Variants in SMARCAL1 observed in about 807,000 individuals in gnomAD.
SMARCAL1 encodes the protein ATP-driven annealing helicase.
A neutral mutation model predicts 94.5 loss-of-function variants in SMARCAL1; 58 were observed. The observed-to-expected ratio is 0.61, with a 90% CI of 0.50 to 0.76. The LOEUF (loss-of-function observed/expected upper bound fraction) is 0.76, where lower values mean the gene tolerates loss of function less well. SMARCAL1 is among the 30% of genes least tolerant of loss of function. SMARCAL1 has a pLI of 0.00. For missense variants in SMARCAL1, 1,051 were observed against 1,177.9 expected (o/e 0.89, Z 1.58); for synonymous variants, 422 against 455.1 (o/e 0.93, Z 0.93).
chr2:216,423,510 A>G, intron 5 of SMARCAL1, 123 bp from the exon 6 acceptor site: 3 of 816,726 alleles, frequency 3.7e-6, no homozygotes, highest in Non-Finnish European at 6.4e-6. Flanking sequence ...TAGGTACAGG[A>G]CCAGCTGCCA....
At position 216,415,699 on chromosome 2, in the gene SMARCAL1, A is replaced by G. The variant is rs1693584006; in HGVS notation, c.811+184A>G. Among the ~76,000 whole-genome samples the G allele has an allele frequency of 2.0e-5, 3 of 152,182 alleles. No homozygotes were observed. The South Asian group carries it at 6.2e-4, about 31-fold the overall frequency. On this transcript the variant is annotated intron_variant, in intron 3 of 17. Transcript: ENST00000357276. ...TAGTCATTCCCTTAAACAGCTGCCA[A>G]ACTTGATGGTTGTCACGTGGCCATC...
intron 8 of SMARCAL1, 109 bp downstream of exon 8, chr2:216,432,977 CAAGTA>C: frequency 7.3e-7 from 1 of 1,378,954 alleles, no homozygotes; most frequent in Non-Finnish European, 1.0e-6. Flanking sequence ...GATCCTGTCT[CAAGTA>C]AAGGCAAAGG....
intron 6 of SMARCAL1, among the ~76,000 whole-genome samples, chr2:216,425,009 C>T (rs1369673224): frequency 2.0e-5 from 3 of 152,178 alleles, no homozygotes; most frequent in African/African-American, 7.2e-5. Context: ...ACCTCTGCCT[C>T]CCAGGCTCAA....
At chr2:216,439,255 T>A (rs933414217) in intron 10 of SMARCAL1, among the ~76,000 whole-genome samples, 3 of 152,130 alleles carry the variant, frequency 2.0e-5, no homozygotes, top group African/African-American at 7.2e-5. Context: ...CATCTGTCTC[T>A]CTCTTCTGTG....
chr2:216,441,524 A>G (rs60111146), intron 10 of SMARCAL1, among the ~76,000 whole-genome samples: 9,671 of 152,288 alleles, frequency 0.064, 577 homozygotes, highest in African/African-American at 0.16. Context: ...ATCATTTTTC[A>G]ATAACTATGG....
chr2:216,421,268 A>C (rs529729309), intron 5 of SMARCAL1, among the ~76,000 whole-genome samples: 1 of 152,048 alleles, frequency 6.6e-6, no homozygotes, highest in South Asian at 2.1e-4. Context: ...CTTGAAATCT[A>C]CTGGCCACAA....
chr2:216,427,349 G>A (rs879533000), intron 6 of SMARCAL1: 1 of 152,168 alleles, frequency 6.6e-6, no homozygotes, highest in Non-Finnish European at 1.5e-5. Context: ...AGTAGATGTT[G>A]GTTTTATTCC....
chr2:216,416,953 G>T (rs945911438), intron 4 of SMARCAL1, among the ~76,000 whole-genome samples: 1 of 152,224 alleles, frequency 6.6e-6, no homozygotes, highest in African/African-American at 2.4e-5. Context: ...TAAAGTTTTT[G>T]TCACTTGATC....
At chr2:216,437,532 A>G (rs1694104830) in intron 9 of SMARCAL1, among the ~76,000 whole-genome samples, 1 of 152,194 alleles carries the variant, frequency 6.6e-6, no homozygotes, top group Non-Finnish European at 1.5e-5. Flanking sequence ...AGGACTTCAC[A>G]TGTGTTAGCT....
intron 12 of SMARCAL1, among the ~76,000 whole-genome samples, chr2:216,461,268 C>T (rs940723548): frequency 6.6e-6 from 1 of 151,222 alleles, no homozygotes; most frequent in African/African-American, 2.4e-5. Flanking sequence ...AAAAAGTTAA[C>T]CAATTTAAAA....
At chr2:216,442,946 T>C (rs575472674) in intron 10 of SMARCAL1, among the ~76,000 whole-genome samples, 3 of 152,316 alleles carry the variant, frequency 2.0e-5, no homozygotes, top group South Asian at 2.1e-4. Context: ...TCTTCCCTAG[T>C]GTGATGAGGC....
Position 216,415,311 on chromosome 2 carries a change from A to T in SMARCAL1, c.607A>T (p.Asn203Tyr), listed in dbSNP as rs1313715436. The change falls in exon 3 of 18, where the codon AAC (asparagine) becomes TAC (tyrosine). Residue 203 changes from asparagine (N) to tyrosine (Y), a missense_variant. Asn to Tyr is a moderately radical substitution (Grantham distance 143). This residue lies in a region of SMARCAL1 where 398 missense variants were observed against 395.2 expected (regional missense o/e 1.01). Coordinates refer to ENST00000357276, the MANE Select transcript of SMARCAL1 (RefSeq NM_014140.4). ...AGCAAAAGCCTCCCCTTCGGGGCAG[A>T]ACATTTCTTACATCCATTCTAGCTC... The part of the protein sequence containing the change: ...KTAKASPSGQ[N>Y]ISYIHSSSES... 6.2e-7 allele frequency: 1 copy of T among 1,614,274 alleles called. No homozygotes were observed. The highest frequency in any genetic ancestry group is 8.5e-7 in the Non-Finnish European group (1 of 1,180,044).
intron 11 of SMARCAL1, among the ~76,000 whole-genome samples, chr2:216,448,714 C>A (rs768333417): frequency 2.6e-5 from 4 of 152,088 alleles, no homozygotes; most frequent in African/African-American, 2.4e-5. Flanking sequence ...CACATGTAGT[C>A]CCAGCTACTC....
chr2:216,428,896 A>G, intron 7 of SMARCAL1, 114 bp downstream of exon 7: 1 of 1,001,304 alleles, frequency 1.0e-6, no homozygotes, highest in Non-Finnish European at 1.6e-6. Context: ...GGATAGATGA[A>G]AATTTAGAAG....
At chr2:216,464,716 A>G (rs374993316) in intron 13 of SMARCAL1, 49 bp downstream of exon 13, 2 of 1,259,750 alleles carry the variant, frequency 1.6e-6, no homozygotes, top group Non-Finnish European at 1.2e-6. Context: ...CTTCAAAAAA[A>G]AAAAAAACAA....
At chr2:216,477,673 G>A (rs2280043) in intron 16 of SMARCAL1, among the ~76,000 whole-genome samples, 35,652 of 152,070 alleles carry the variant, frequency 0.23, 5,063 homozygotes, top group Non-Finnish European at 0.3. Flanking sequence ...AGTGTACTTC[G>A]TTAGCAGAGC....
intron 10 of SMARCAL1, among the ~76,000 whole-genome samples, chr2:216,440,114 A>G (rs1031134526): frequency 5.9e-5 from 9 of 151,996 alleles, no homozygotes; most frequent in African/African-American, 2.2e-4. Flanking sequence ...GTCAATAGCC[A>G]TTGATGGACA....
At chr2:216,481,864 A>G (rs540588487) in intron 17 of SMARCAL1, among the ~76,000 whole-genome samples, 16 of 152,242 alleles carry the variant, frequency 1.1e-4, no homozygotes, top group Non-Finnish European at 2.1e-4. Context: ...GTCAGTGGAG[A>G]TATGGAAAAT....
At chr2:216,444,074 TGAA>T (rs1694254675) in intron 10 of SMARCAL1, among the ~76,000 whole-genome samples, 1 of 152,248 alleles carries the variant, frequency 6.6e-6, no homozygotes. Flanking sequence ...TCCTTATTTC[TGAA>T]GATTGTATCA....
Sources: allele counts gnomAD v4.1 joint callset (sites outside exome capture counted in the v4.1 genomes callset), GRCh38; gene constraint gnomAD v4.1.1; regional missense constraint gnomAD v4.1.1; transcripts MANE v1.5; gene names NCBI Gene and HGNC (gene_info 2026-07-23, HGNC 2026-07-21).